Variants in KATNA1 observed in about 807,000 individuals in gnomAD.
The protein encoded by KATNA1 is katanin catalytic subunit A1.
KATNA1 carries 42 observed loss-of-function variants against 62.6 expected under a neutral mutation model. The ratio of observed to expected loss-of-function variants is 0.67; its 90% CI spans 0.52 to 0.87. The LOEUF is 0.87. KATNA1 is among the 40% of genes least tolerant of loss of function. The pLI is 0.00. For synonymous variants in KATNA1, 186 were observed against 201.9 expected (o/e 0.92, Z 0.67); for missense variants, 498 against 612.5 (o/e 0.81, Z 1.97).
chr6:149,604,289 C>A (rs1383541992), intron 5 of KATNA1, among the ~76,000 whole-genome samples: 1 of 151,934 alleles, frequency 6.6e-6, no homozygotes, highest in Non-Finnish European at 1.5e-5. Context: ...CTGATCAAGA[C>A]TCCATCTCTA....
intron 4 of KATNA1, among the ~76,000 whole-genome samples, chr6:149,607,906 C>T (rs1222609231): frequency 6.6e-6 from 1 of 151,774 alleles, no homozygotes; most frequent in Non-Finnish European, 1.5e-5. Flanking sequence ...TCTCTACTAA[C>T]AATACAAAAA....
At chr6:149,648,193 A>T (rs1382843116) in intron 1 of KATNA1, among the ~76,000 whole-genome samples, 2 of 151,892 alleles carry the variant, frequency 1.3e-5, no homozygotes, top group African/African-American at 4.8e-5. Context: ...AGAACTAAAA[A>T]CTCGGCTGGT....
chr6:149,632,831 A>G lies in KATNA1; in HGVS notation c.248T>C (p.Leu83Ser). The change falls in exon 3 of 11, where the codon TTG (leucine) becomes TCG (serine). Residue 83 changes from leucine to serine, a missense_variant. Physicochemically the swap from Leu to Ser is moderately radical, Grantham distance 145. Transcript: ENST00000367411. ...LESFKLDSTP[L>S]KAAQHDLPAS... ...TGGAAGGTCATGCTGTGCCGCTTTC[A>G]AGGGAGTGCTGTCCAGTTTAAAGCT... is the stretch of plus-strand genomic sequence containing the variant. 1 of 1,613,868 alleles carries G rather than the reference A, an allele frequency of 6.2e-7. No individual in the cohort carries two copies. The highest frequency in any genetic ancestry group is 8.5e-7 in the Non-Finnish European group (1 of 1,179,862).
intron 4 of KATNA1, among the ~76,000 whole-genome samples, chr6:149,610,099 CAAAA>C: frequency 2.0e-5 from 1 of 50,210 alleles, no homozygotes; most frequent in East Asian, 7.2e-4. Flanking sequence ...AACTCCGTCT[CAAAA>C]AAAAAAAAAA....
intron 4 of KATNA1, among the ~76,000 whole-genome samples, chr6:149,619,037 G>A (rs925866512): frequency 6.6e-6 from 1 of 152,058 alleles, no homozygotes; most frequent in African/African-American, 2.4e-5. Context: ...AGAATAAAGA[G>A]GCAACCTGTA....
At chr6:149,608,555 G>C (rs887834287) in intron 4 of KATNA1, among the ~76,000 whole-genome samples, 1 of 152,192 alleles carries the variant, frequency 6.6e-6, no homozygotes, top group Non-Finnish European at 1.5e-5. Context: ...CAAAGGCAGG[G>C]TGGAAGGCCT....
rs75829440 is a variant in KATNA1 at position 149,622,312 on chromosome 6, G to A, written c.501+791C>T. The stretch of plus-strand genomic sequence containing the variant: ...CACGGCTAATTTTTAGTAGAGATGG[G>A]GTTTCACTGTGTTAGCCAATAATTG... On this transcript the variant is annotated intron_variant, in intron 4 of 10. Transcript: ENST00000367411. Among the ~76,000 whole-genome samples the A allele has an allele frequency of 0.013, 1,928 of 151,856 alleles. 83 individuals are homozygous for A. The East Asian group carries it at 0.14, about 11-fold the overall frequency.
chr6:149,644,527 G>A (rs762982718), intron 1 of KATNA1, among the ~76,000 whole-genome samples: 82 of 151,930 alleles, frequency 5.4e-4, no homozygotes, highest in Non-Finnish European at 8.8e-4. Context: ...AGGTTGAGGT[G>A]GGAGGATCAC....
intron 4 of KATNA1, among the ~76,000 whole-genome samples, chr6:149,618,348 G>A (rs1393943090): frequency 6.6e-6 from 1 of 151,332 alleles, no homozygotes; most frequent in African/African-American, 2.4e-5. Flanking sequence ...CATGGTAGTG[G>A]GCACCTATAA....
In KATNA1 at chr6:149,623,102, C is replaced by T. The variant is rs1199809320; in HGVS notation, c.501+1G>A. 2 of 1,571,590 alleles carry T rather than the reference C, an allele frequency of 1.3e-6. No individual in the cohort carries two copies. The highest frequency in any genetic ancestry group is 1.4e-5 in the African/African-American group (1 of 73,118). On this transcript the variant is annotated splice_donor_variant, in intron 4 of 10. Transcript: ENST00000367411. LOFTEE classifies it high-confidence loss of function. Reference sequence around the variant, plus strand: ...ATTTATAAAAATCAATTAACATTTACCTTTTCCTCTCTTCCTTTATTCTGT... The same window carrying T: ...ATTTATAAAAATCAATTAACATTTATCTTTTCCTCTCTTCCTTTATTCTGT...
chr6:149,598,870 TA>T (rs992221841), intron 7 of KATNA1, among the ~76,000 whole-genome samples: 7 of 152,004 alleles, frequency 4.6e-5, no homozygotes, highest in African/African-American at 1.2e-4. Flanking sequence ...TTTATTTATT[TA>T]TTTTTTTTTA....
Position 149,638,477 on chromosome 6 carries a change from G to A in KATNA1, c.71C>T (p.Ser24Phe), listed in dbSNP as rs778977868. The A allele has an allele frequency of 9.9e-6, 16 of 1,613,492 alleles. No individual in the cohort carries two copies. The highest frequency in any genetic ancestry group is 1.4e-5 in the Non-Finnish European group (16 of 1,179,716). The part of the protein sequence containing the change: ...REYALLGNYD[S>F]AMVYYQGVLD... ...AACTCCCTGATAATAGACCATCGCA[G>A]AGTCATAGTTTCCCAGCAATGCATA... is the stretch of plus-strand genomic sequence containing the variant. The change falls in exon 2 of 11, where the codon TCT becomes TTT. Residue 24 changes from serine to phenylalanine, a missense_variant. Transcript: ENST00000367411.
At chr6:149,638,696 GC>G in intron 1 of KATNA1, 136 bp from the exon 2 acceptor site, 1 of 446,614 alleles carries the variant, frequency 2.2e-6, no homozygotes, top group Admixed American at 3.8e-5. Context: ...CTATATGTGT[GC>G]TCATGCTATT....
intron 3 of KATNA1, chr6:149,631,292 G>C (rs182915101): frequency 4.6e-5 from 7 of 152,214 alleles, no homozygotes; most frequent in African/African-American, 1.7e-4. Flanking sequence ...CCAGCTACTT[G>C]GGGGGTTGAG....
At chr6:149,597,787 G>C (rs1473004001) in intron 8 of KATNA1, 146 bp from the exon 9 acceptor site, 2 of 675,248 alleles carry the variant, frequency 3.0e-6, no homozygotes. Context: ...AGGTTAACTG[G>C]TACCTATGTG....
chr6:149,628,957 C>T (rs184568901), intron 3 of KATNA1, among the ~76,000 whole-genome samples: 1 of 152,012 alleles, frequency 6.6e-6, no homozygotes, highest in East Asian at 1.9e-4. Flanking sequence ...AAACAGATGC[C>T]ACAAATAAAG....
intron 2 of KATNA1, among the ~76,000 whole-genome samples, chr6:149,634,326 G>C (rs1422653022): frequency 1.1e-5 from 1 of 87,386 alleles, no homozygotes; most frequent in Non-Finnish European, 2.3e-5. Flanking sequence ...AAAATAAATT[G>C]CATAACAAAT....
At chr6:149,609,631 C>T (rs1582764943) in intron 4 of KATNA1, among the ~76,000 whole-genome samples, 1 of 151,520 alleles carries the variant, frequency 6.6e-6, no homozygotes, top group African/African-American at 2.4e-5. Context: ...AGTGAAACCC[C>T]GTCTCTACTA....
At chr6:149,641,903 TTA>T (rs1780306061) in intron 1 of KATNA1, among the ~76,000 whole-genome samples, 1 of 152,176 alleles carries the variant, frequency 6.6e-6, no homozygotes. Flanking sequence ...TTTTATTCTT[TTA>T]TTTTTTATTT....
Sources: allele counts gnomAD v4.1 joint callset (sites outside exome capture counted in the v4.1 genomes callset), GRCh38; gene constraint gnomAD v4.1.1; transcripts MANE v1.5; gene names NCBI Gene and HGNC (gene_info 2026-07-23, HGNC 2026-07-21).